Variants in CDC73 observed in about 807,000 individuals in gnomAD.
CDC73 encodes the protein cell division cycle 73.
In CDC73, 21 loss-of-function variants were observed where a neutral mutation model predicts 83.7. That is an observed-to-expected ratio of 0.25 (90% CI 0.18 to 0.36). CDC73 has a LOEUF of 0.36. CDC73 is among the 10% of genes least tolerant of loss of function. The pLI, the probability that CDC73 is intolerant of heterozygous loss-of-function variation, is 1.00. For synonymous variants in CDC73, 224 were observed against 212.9 expected (o/e 1.05, Z -0.45); for missense variants, 342 against 653.3 (o/e 0.52, Z 5.19).
chr1:193,131,820 T>A (rs979440935), intron 3 of CDC73, among the ~76,000 whole-genome samples: 9 of 152,246 alleles, frequency 5.9e-5, no homozygotes, highest in Non-Finnish European at 1.3e-4. Flanking sequence ...AGAAGACTTC[T>A]CTGACCACTC....
At chr1:193,143,366 C>G (rs1675939338) in intron 7 of CDC73, among the ~76,000 whole-genome samples, 1 of 152,074 alleles carries the variant, frequency 6.6e-6, no homozygotes. Context: ...CACCAGTGTT[C>G]ATTAAAATAA....
Position 193,203,778 on chromosome 1 carries a change from T to C in CDC73, c.973-17T>C. The C allele has an allele frequency of 6.3e-7, 1 of 1,598,038 alleles. No homozygotes were observed. The highest frequency in any genetic ancestry group is 8.6e-7 in the Non-Finnish European group (1 of 1,165,438). ...AAGAAACTTTGATCTTATATATCAA[T>C]TCTTATTCTTTTAAAGGAGGGTGCA... is the stretch of plus-strand genomic sequence containing the variant. On this transcript the variant is annotated splice_polypyrimidine_tract_variant and intron_variant, in intron 10 of 16. Transcript: ENST00000367435.
rs1395018454 is a variant in CDC73, at chr1:193,162,580, G to A, written c.972+10136G>A. 2.0e-5 allele frequency among the ~76,000 whole-genome samples: 3 copies of A among 151,770 alleles called. No individual in the cohort carries two copies. In the South Asian group the frequency reaches 6.2e-4, roughly 31 times the overall value. On this transcript the variant is annotated intron_variant, in intron 10 of 16. Coordinates refer to ENST00000367435, the MANE Select transcript of CDC73 (RefSeq NM_024529.5). ...GTAGAGATTTCACCATGTTGGCCAT[G>A]CTGGTCTCGAACTCCTGACCTCAAG...
chr1:193,147,015 C>CG (rs1558287107), intron 7 of CDC73, among the ~76,000 whole-genome samples: 1 of 151,252 alleles, frequency 6.6e-6, no homozygotes, highest in East Asian at 1.9e-4. Flanking sequence ...TTTTTTTAGA[C>CG]GGATTCTTGC....
At chr1:193,218,717 T>C (rs1470859901) in intron 13 of CDC73, among the ~76,000 whole-genome samples, 1 of 152,114 alleles carries the variant, frequency 6.6e-6, no homozygotes, top group East Asian at 1.9e-4. Flanking sequence ...ATGCAGAAGA[T>C]TGAAACCGAA....
At position 193,125,096 on chromosome 1, in the gene CDC73, G is replaced by A; in HGVS notation, c.132-16G>A. 7.6e-7 allele frequency: 1 copy of A among 1,309,774 alleles called. No individual in the cohort carries two copies. Among genetic ancestry groups the A allele is most frequent in the South Asian group, 1.2e-5 (1 of 85,120 alleles). The allele number at this position is 1,309,774 out of a possible 1,614,324, so 81.1% of individuals were successfully genotyped here. On this transcript the variant is annotated splice_polypyrimidine_tract_variant and intron_variant, in intron 1 of 16. Coordinates refer to ENST00000367435, the MANE Select transcript of CDC73 (RefSeq NM_024529.5). Reference sequence around the variant, plus strand: ...TAGAATTGTCAGTAAAAAAAATCTTGCCTTAATTATTTCAGGACTGGAAAG... The same window carrying A: ...TAGAATTGTCAGTAAAAAAAATCTTACCTTAATTATTTCAGGACTGGAAAG...
intron 11 of CDC73, among the ~76,000 whole-genome samples, chr1:193,209,668 T>C (rs1382070497): frequency 6.6e-6 from 1 of 152,206 alleles, no homozygotes; most frequent in Non-Finnish European, 1.5e-5. Context: ...TTTGCAGTTA[T>C]CTTTTTTAAC....
intron 11 of CDC73, among the ~76,000 whole-genome samples, chr1:193,207,635 T>C (rs182299383): frequency 1.7e-3 from 255 of 152,280 alleles, no homozygotes; most frequent in African/African-American, 5.8e-3. Context: ...AAGAAAAATA[T>C]GGCTGTATTC....
intron 10 of CDC73, among the ~76,000 whole-genome samples, chr1:193,167,023 A>T (rs977792755): frequency 6.6e-6 from 1 of 152,218 alleles, no homozygotes; most frequent in African/African-American, 2.4e-5. Context: ...AAATTCATCA[A>T]TGCTGGTTTA....
intron 13 of CDC73, among the ~76,000 whole-genome samples, chr1:193,230,267 G>A (rs565419734): frequency 6.6e-6 from 1 of 150,862 alleles, no homozygotes; most frequent in Non-Finnish European, 1.5e-5. Context: ...TCCTGCCTCA[G>A]CTTCCAGAGT....
intron 1 of CDC73, among the ~76,000 whole-genome samples, chr1:193,124,144 C>T (rs571819669): frequency 1.8e-4 from 28 of 152,322 alleles, no homozygotes; most frequent in African/African-American, 6.7e-4. Context: ...GAGTGCTTAT[C>T]ACAGTAGATT....
Position 193,203,803 on chromosome 1 carries a change from A to C in CDC73, c.981A>C (p.Ala327=). 1 of 1,612,660 alleles carries C rather than the reference A, an allele frequency of 6.2e-7. No individual in the cohort carries two copies. Among genetic ancestry groups the C allele is most frequent in the Non-Finnish European group, 8.5e-7 (1 of 1,178,746 alleles). ...TTCTTATTCTTTTAAAGGAGGGTGCATCTGCCCGGAAGACTCAGACTCCTG... is the reference window on the plus strand; with the variant it reads ...TTCTTATTCTTTTAAAGGAGGGTGCCTCTGCCCGGAAGACTCAGACTCCTG... ...GMTLKSVTEG[A]SARKTQTPAA... Residue 327 remains alanine (A), a synonymous_variant, in exon 11 of 17, where the codon GCA becomes GCC. Transcript: ENST00000367435.
chr1:193,144,683 T>C (rs1458436826), intron 7 of CDC73, among the ~76,000 whole-genome samples: 1 of 152,210 alleles, frequency 6.6e-6, no homozygotes, highest in Non-Finnish European at 1.5e-5. Flanking sequence ...GTGACGAAAT[T>C]GGAATGTAGA....
intron 10 of CDC73, chr1:193,180,318 C>T (rs751867922): frequency 6.3e-6 from 10 of 1,582,154 alleles, no homozygotes; most frequent in Non-Finnish European, 7.7e-6. Context: ...GGTGGCGATA[C>T]CTGCCTGCCT....
chr1:193,176,577 A>G (rs886266932), intron 10 of CDC73, among the ~76,000 whole-genome samples: 1 of 152,214 alleles, frequency 6.6e-6, no homozygotes, highest in Non-Finnish European at 1.5e-5. Context: ...AGTATTTAAT[A>G]TACATCATCT....
chr1:193,249,090 C>T (rs1678001571), intron 15 of CDC73, among the ~76,000 whole-genome samples: 1 of 152,006 alleles, frequency 6.6e-6, no homozygotes, highest in South Asian at 2.1e-4. Flanking sequence ...TCAATCAGTG[C>T]AGCAAACTTC....
intron 15 of CDC73, among the ~76,000 whole-genome samples, chr1:193,244,636 C>A (rs1168369386): frequency 6.6e-6 from 1 of 152,174 alleles, no homozygotes; most frequent in Non-Finnish European, 1.5e-5. Context: ...ATAGGACATT[C>A]CATGCTTGCT....
At chr1:193,225,684 T>G (rs1284330407) in intron 13 of CDC73, among the ~76,000 whole-genome samples, 2 of 152,180 alleles carry the variant, frequency 1.3e-5, no homozygotes, top group Non-Finnish European at 2.9e-5. Context: ...TTTTCATATT[T>G]CTTGGCCATT....
At chr1:193,166,796 C>T (rs762692041) in intron 10 of CDC73, among the ~76,000 whole-genome samples, 4 of 151,856 alleles carry the variant, frequency 2.6e-5, no homozygotes, top group South Asian at 2.1e-4. Flanking sequence ...TACAGTTATG[C>T]GCCACCACGC....
Sources: gnomAD v4.1 joint callset for allele counts (sites outside exome capture counted in the v4.1 genomes callset) on GRCh38, gnomAD v4.1.1 for gene constraint, MANE v1.5 for transcripts, NCBI Gene and HGNC (gene_info 2026-07-23, HGNC 2026-07-21) for gene names.